DNER: variants seen among roughly 807,000 people sequenced by gnomAD.
DNER encodes the protein delta/notch like EGF repeat containing.
DNER carries 33 observed loss-of-function variants against 78.2 expected under a neutral mutation model. The ratio of observed to expected loss-of-function variants is 0.42; its 90% CI spans 0.32 to 0.56. DNER has a LOEUF of 0.56. DNER is among the 20% of genes least tolerant of loss of function. The pLI, the probability that DNER is intolerant of heterozygous loss-of-function variation, is 0.11. For synonymous variants in DNER, 417 were observed against 384.8 expected, an observed-to-expected ratio of 1.08 and a Z score of -0.98; for missense variants, 918 against 975.3, an observed-to-expected ratio of 0.94 and a Z score of 0.78.
At chr2:229,580,822 AG>A (rs1418933895) in intron 4 of DNER, among the ~76,000 whole-genome samples, 2 of 152,346 alleles carry the variant, frequency 1.3e-5, no homozygotes, top group South Asian at 2.1e-4. Flanking sequence ...AGAATATTCC[AG>A]GGTACCTGGA....
At chr2:229,558,648 C>T (rs376064182) in intron 4 of DNER, among the ~76,000 whole-genome samples, 1 of 152,140 alleles carries the variant, frequency 6.6e-6, no homozygotes, top group Admixed American at 6.5e-5. Context: ...GATCATGAGT[C>T]CATGTAAGGA....
intron 8 of DNER, among the ~76,000 whole-genome samples, chr2:229,441,812 C>T (rs954697657): frequency 4.6e-5 from 7 of 152,136 alleles, no homozygotes; most frequent in African/African-American, 1.7e-4. Context: ...GTTCTTAAGT[C>T]CAGCAGAAGA....
At chr2:229,371,363 C>A (rs1275799834) in intron 11 of DNER, among the ~76,000 whole-genome samples, 2 of 152,204 alleles carry the variant, frequency 1.3e-5, no homozygotes, top group Non-Finnish European at 2.9e-5. Context: ...TTTGCTACAG[C>A]ATGGCACTGG....
At chr2:229,512,630 G>A (rs972671611) in intron 6 of DNER, among the ~76,000 whole-genome samples, 153 bp downstream of exon 6, 2 of 152,104 alleles carry the variant, frequency 1.3e-5, no homozygotes, top group African/African-American at 4.8e-5. Flanking sequence ...CTACTTGGGT[G>A]ATGAGTGCAC....
chr2:229,368,041 A>AT (rs979422421), intron 11 of DNER, among the ~76,000 whole-genome samples: 13 of 152,070 alleles, frequency 8.5e-5, no homozygotes, highest in Middle Eastern at 3.4e-3. Context: ...TTTTCTTTAG[A>AT]TTTTTTTTCA....
intron 1 of DNER, among the ~76,000 whole-genome samples, chr2:229,623,357 G>T (rs749249218): frequency 6.6e-6 from 1 of 152,036 alleles, no homozygotes; most frequent in Non-Finnish European, 1.5e-5. Flanking sequence ...CTTCCGCCAT[G>T]CTGCCTGGCC....
Position 229,699,416 on chromosome 2 carries a change from A to G in DNER, c.276+14732T>C, listed in dbSNP as rs73097211. Among the ~76,000 whole-genome samples the G allele has an allele frequency of 4.1e-3, 625 of 152,296 alleles. 6 individuals carry two copies. Among genetic ancestry groups the G allele is most frequent in the African/African-American group, 0.015 (609 of 41,556 alleles). On this transcript the variant is annotated intron_variant, in intron 1 of 12. Coordinates refer to ENST00000341772, the MANE Select transcript of DNER (RefSeq NM_139072.4). ...GCTCTTGCTCTGCCGCCTAGGCTGC[A>G]GTGCAATGGCTGGATTTCAGCTCAC...
chr2:229,432,980 C>T (rs1440693886), intron 8 of DNER, among the ~76,000 whole-genome samples: 2 of 152,100 alleles, frequency 1.3e-5, no homozygotes, highest in African/African-American at 4.8e-5. Context: ...CACTCTGTCG[C>T]CCAGGCTGGA....
intron 1 of DNER, among the ~76,000 whole-genome samples, chr2:229,652,532 G>GA (rs34785427): frequency 1.3e-5 from 2 of 152,180 alleles, no homozygotes; most frequent in African/African-American, 4.8e-5. Flanking sequence ...AGAGGTGGAA[G>GA]AAAAGAAGAG....
intron 1 of DNER, among the ~76,000 whole-genome samples, chr2:229,652,102 G>C (rs1008746937): frequency 6.6e-6 from 1 of 152,168 alleles, no homozygotes; most frequent in African/African-American, 2.4e-5. Flanking sequence ...GAATCAAAGA[G>C]CTAGAGGAAA....
intron 6 of DNER, among the ~76,000 whole-genome samples, chr2:229,488,476 T>C (rs1695326275): frequency 6.6e-6 from 1 of 152,248 alleles, no homozygotes; most frequent in African/African-American, 2.4e-5. Flanking sequence ...CACATGTGTG[T>C]TGTGTGTGCA....
At chr2:229,562,908 A>C (rs1413985665) in intron 4 of DNER, among the ~76,000 whole-genome samples, 1 of 151,824 alleles carries the variant, frequency 6.6e-6, no homozygotes, top group Non-Finnish European at 1.5e-5. Context: ...CATCAACTTC[A>C]TCATCATCCT....
chr2:229,564,669 CCAT>C (rs768793414), intron 4 of DNER, among the ~76,000 whole-genome samples: 6 of 149,186 alleles, frequency 4.0e-5, no homozygotes, highest in East Asian at 4.0e-4. Flanking sequence ...CACCCCGTCA[CCAT>C]CATCATCATC....
At chr2:229,388,121 G>A (rs1692936527) in intron 11 of DNER, 144 bp downstream of exon 11, 9 of 1,231,366 alleles carry the variant, frequency 7.3e-6, no homozygotes, top group South Asian at 3.3e-5. Flanking sequence ...GTGTAGCTCC[G>A]GTTGTCCCTC....
chr2:229,493,105 C>A (rs1361115700), intron 6 of DNER, among the ~76,000 whole-genome samples: 1 of 152,144 alleles, frequency 6.6e-6, no homozygotes, highest in Non-Finnish European at 1.5e-5. Context: ...CATTTCAAAC[C>A]AACAACGCAA....
chr2:229,441,564 T>A (rs907829529), intron 8 of DNER, among the ~76,000 whole-genome samples: 1 of 152,170 alleles, frequency 6.6e-6, no homozygotes, highest in Admixed American at 6.5e-5. Flanking sequence ...GGAGCAATTC[T>A]TATCTAAAGA....
intron 1 of DNER, among the ~76,000 whole-genome samples, chr2:229,621,190 C>T (rs1242075623): frequency 2.6e-5 from 4 of 152,222 alleles, no homozygotes. Flanking sequence ...ATAATAACTA[C>T]ATGAGTACGC....
In DNER at chr2:229,613,168, C is replaced by T. The variant is rs142091375; in HGVS notation, c.277-21280G>A. Reference sequence around the variant, plus strand: ...TTTCGCTGAATAGAATATAGATTAACGGCCAGTTCATTCTATAAATATTGC... The same window carrying T: ...TTTCGCTGAATAGAATATAGATTAATGGCCAGTTCATTCTATAAATATTGC... On this transcript the variant is annotated intron_variant, in intron 1 of 12. Coordinates refer to ENST00000341772, the MANE Select transcript of DNER (RefSeq NM_139072.4). 2.7e-3 allele frequency among the ~76,000 whole-genome samples: 404 copies of T among 152,238 alleles called. 2 individuals carry two copies. The highest frequency in any genetic ancestry group is 9.3e-3 in the African/African-American group (388 of 41,534).
intron 1 of DNER, among the ~76,000 whole-genome samples, chr2:229,630,497 T>TAATAAC (rs1698416204): frequency 6.8e-6 from 1 of 147,448 alleles, no homozygotes; most frequent in South Asian, 2.1e-4. Flanking sequence ...ATAATAATAA[T>TAATAAC]AATAATAATA....
Sources: gnomAD v4.1 joint callset for allele counts (sites outside exome capture counted in the v4.1 genomes callset) on GRCh38, gnomAD v4.1.1 for gene constraint, MANE v1.5 for transcripts, NCBI Gene and HGNC (gene_info 2026-07-23, HGNC 2026-07-21) for gene names.